The following ABHD5 variants were observed in gnomAD, a reference collection of about 807,000 sequenced individuals.
ABHD5 encodes abhydrolase domain containing 5, lysophosphatidic acid acyltransferase.
A neutral mutation model predicts 44.9 loss-of-function variants in ABHD5; 30 were observed. The ratio of observed to expected loss-of-function variants is 0.67; its 90% CI spans 0.50 to 0.91. The LOEUF is 0.91. ABHD5 is among the 40% of genes least tolerant of loss of function. ABHD5 has a pLI of 0.00. For synonymous variants in ABHD5, 167 were observed against 147.0 expected (o/e 1.14, Z -0.99); for missense variants, 399 against 423.4 (o/e 0.94, Z 0.50).
chr3:43,690,962 G>C lies in ABHD5; in HGVS notation c.-31G>C, dbSNP rs765153342. On this transcript the variant is annotated 5_prime_UTR_variant, in exon 1 of 7. Coordinates refer to ENST00000644371, the MANE Select transcript of ABHD5 (RefSeq NM_016006.6). The stretch of plus-strand genomic sequence containing the variant: ...CAGTCGGCCTGTCAGCCGGCTTCGA[G>C]ATAAGTCCCGGCGCTTGCGCGGCGG... The C allele has an allele frequency of 7.1e-6, 11 of 1,558,462 alleles. No individual in the cohort carries two copies. The highest frequency in any genetic ancestry group is 3.7e-5 in the Admixed American group (2 of 53,960).
In ABHD5 at chr3:43,717,787, G is replaced by A; in HGVS notation, c.890G>A (p.Arg297Gln). The change falls in exon 6 of 7, where the codon CGA (arginine) becomes CAA (glutamine). Residue 297 changes from arginine to glutamine, a missense_variant. Physicochemically the swap from Arg to Gln is conservative, Grantham distance 43. Transcript: ENST00000644371. ...DIPVSVIFGA[R>Q]SCIDGNSGTS... Reference sequence around the variant, plus strand: ...CCAGTTTCAGTGATCTTTGGCGCCCGATCCTGCATAGATGGCAATTCTGGC... The same window carrying A: ...CCAGTTTCAGTGATCTTTGGCGCCCAATCCTGCATAGATGGCAATTCTGGC... 12 of 1,614,200 alleles carry A rather than the reference G, an allele frequency of 7.4e-6. No individual in the cohort carries two copies. The highest frequency in any genetic ancestry group is 2.2e-5 in the East Asian group (1 of 44,882).
intron 3 of ABHD5, among the ~76,000 whole-genome samples, chr3:43,706,978 T>C (rs1270833097): frequency 6.6e-6 from 1 of 152,182 alleles, no homozygotes; most frequent in African/African-American, 2.4e-5. Flanking sequence ...TAGGACAGTT[T>C]GAAGAGAAGA....
At position 43,720,013 on chromosome 3, in the gene ABHD5, CT is replaced by C. The variant is rs1455836084; in HGVS notation, c.*1482del. ...ATGTTCTATTTTCAACATTTCTCCC[CT>C]ATAAAAGAATAGACAAATTATACTG... On this transcript the variant is annotated 3_prime_UTR_variant, in exon 7 of 7. Coordinates refer to ENST00000644371, the MANE Select transcript of ABHD5 (RefSeq NM_016006.6). The C allele has an allele frequency of 6.6e-6, 1 of 152,106 alleles. No homozygotes were observed. Among genetic ancestry groups the C allele is most frequent in the Non-Finnish European group, 1.5e-5 (1 of 68,012 alleles). 9.4% of individuals were successfully genotyped at this position (152,106 alleles called of 1,614,324 possible).
At chr3:43,722,804 T>A (rs910666146), downstream of ABHD5, 10 of 152,224 alleles carry the variant, frequency 6.6e-5, no homozygotes, top group Admixed American at 6.5e-4. Flanking sequence ...TATTTACTTG[T>A]GTCATTGGAA....
At chr3:43,726,225 T>A (rs918857297), downstream of ABHD5, among the ~76,000 whole-genome samples, 5 of 152,296 alleles carry the variant, frequency 3.3e-5, no homozygotes, top group Admixed American at 3.3e-4. Context: ...ATGGAAATGA[T>A]GAAATGTTGA....
chr3:43,715,806 G>A (rs1304142545), intron 5 of ABHD5, among the ~76,000 whole-genome samples: 1 of 152,162 alleles, frequency 6.6e-6, no homozygotes, highest in African/African-American at 2.4e-5. Context: ...GTAAATGATT[G>A]TCTATACTAT....
At chr3:43,699,155 A>G (rs970031813) in intron 1 of ABHD5, 121 bp from the exon 2 acceptor site, 20 of 849,692 alleles carry the variant, frequency 2.4e-5, no homozygotes, top group South Asian at 1.4e-4. Flanking sequence ...TTTGTCACAC[A>G]TAGCTTTACC....
At chr3:43,709,630 T>A (rs532030735) in intron 3 of ABHD5, among the ~76,000 whole-genome samples, 1 of 152,346 alleles carries the variant, frequency 6.6e-6, no homozygotes, top group Admixed American at 6.5e-5. Context: ...TGAATAATAG[T>A]GGCTGTTTCT....
intron 2 of ABHD5, 114 bp from the exon 3 acceptor site, chr3:43,702,101 C>A: frequency 2.2e-6 from 2 of 893,332 alleles, no homozygotes; most frequent in South Asian, 1.8e-5. Context: ...ACAATACAAG[C>A]TAAAATCATG....
chr3:43,698,880 C>T (rs2084504759), intron 1 of ABHD5, among the ~76,000 whole-genome samples: 1 of 152,134 alleles, frequency 6.6e-6, no homozygotes, highest in African/African-American at 2.4e-5. Context: ...CTTTTATATT[C>T]ACTGTGAAAC....
chr3:43,717,385 C>G (rs1203794822), intron 5 of ABHD5, among the ~76,000 whole-genome samples: 1 of 152,160 alleles, frequency 6.6e-6, no homozygotes, highest in African/African-American at 2.4e-5. Context: ...ATATTTTTAA[C>G]TATCTCCACA....
chr3:43,729,994 G>A (rs1042027392), intron 7 of ABHD5, among the ~76,000 whole-genome samples: 3 of 152,230 alleles, frequency 2.0e-5, no homozygotes, highest in Non-Finnish European at 4.4e-5. Flanking sequence ...CAGGAAAGCT[G>A]AAGCAGGAGG....
At chr3:43,704,944 G>A (rs531591495) in intron 3 of ABHD5, among the ~76,000 whole-genome samples, 1 of 152,300 alleles carries the variant, frequency 6.6e-6, no homozygotes, top group South Asian at 2.1e-4. Flanking sequence ...ACTGTACAGA[G>A]TGTATTGAAT....
At position 43,701,694 on chromosome 3, in the gene ABHD5, A is replaced by T. The variant is rs577358363; in HGVS notation, c.134-521A>T. Among the ~76,000 whole-genome samples, 86 of 152,294 alleles carry T rather than the reference A, an allele frequency of 5.6e-4. 1 individual carries two copies. In the South Asian group the frequency reaches 0.018, roughly 31 times the overall value. ...TTTTTTTGAAATGACTTAAGGTTTC[A>T]CTTACATGTTTAACATAGATACCAG... On this transcript the variant is annotated intron_variant, in intron 2 of 6. Coordinates refer to ENST00000644371, the MANE Select transcript of ABHD5 (RefSeq NM_016006.6).
chr3:43,724,911 G>A (rs141324133), downstream of ABHD5, among the ~76,000 whole-genome samples: 1,494 of 152,244 alleles, frequency 9.8e-3, 13 homozygotes, highest in Non-Finnish European at 0.013. Flanking sequence ...GTAAATGTTG[G>A]ATCCTTATAT....
chr3:43,716,720 G>A (rs543898132), intron 5 of ABHD5, among the ~76,000 whole-genome samples: 23 of 152,200 alleles, frequency 1.5e-4, no homozygotes, highest in African/African-American at 3.1e-4. Flanking sequence ...GGTCTTCCCC[G>A]GGAACATCAT....
downstream of ABHD5, among the ~76,000 whole-genome samples, chr3:43,724,799 G>T (rs1017022956): frequency 6.6e-6 from 1 of 152,056 alleles, no homozygotes. Flanking sequence ...ACACACACCC[G>T]TATATATGTA....
chr3:43,726,382 G>A (rs1234127653), downstream of ABHD5, among the ~76,000 whole-genome samples: 1 of 152,134 alleles, frequency 6.6e-6, no homozygotes, highest in Non-Finnish European at 1.5e-5. Context: ...CATGGGGTAG[G>A]AGGGGCACCA....
At position 43,691,009 on chromosome 3, in the gene ABHD5, A is replaced by C. The variant is rs779102318; in HGVS notation, c.17A>C (p.Glu6Ala). The C allele has an allele frequency of 2.6e-6, 4 of 1,567,268 alleles. No individual in the cohort carries two copies. Among genetic ancestry groups the C allele is most frequent in the Non-Finnish European group, 3.4e-6 (4 of 1,160,106 alleles). Residue 6 changes from glutamate to alanine, a missense_variant, in exon 1 of 7, where the codon GAG becomes GCG. Transcript: ENST00000644371. MAAEE[E>A]EVDSADTGER... ...GCGGCGGCTATGGCGGCGGAGGAGGAGGAGGTGGACTCTGCCGACACCGGA... is the reference window on the plus strand; with the variant it reads ...GCGGCGGCTATGGCGGCGGAGGAGGCGGAGGTGGACTCTGCCGACACCGGA...
Sources: gnomAD v4.1 joint callset for allele counts (sites outside exome capture counted in the v4.1 genomes callset) on GRCh38, gnomAD v4.1.1 for gene constraint, MANE v1.5 for transcripts, NCBI Gene and HGNC (gene_info 2026-07-23, HGNC 2026-07-21) for gene names.